The following DCC variants were observed in gnomAD, a reference collection of about 807,000 sequenced individuals.
DCC encodes netrin receptor DCC.
A neutral mutation model predicts 172.5 loss-of-function variants in DCC; 58 were observed. That is an observed-to-expected ratio of 0.34 (90% CI 0.27 to 0.42). The LOEUF is 0.42. Among genes scored for constraint, DCC ranks in the 10% least tolerant of loss-of-function variants. The probability of loss-of-function intolerance (pLI) is 1.00; values close to 1 mark genes in which losing one functional copy is unlikely to be tolerated. For missense variants in DCC, 1,740 were observed against 1,791.0 expected (o/e 0.97, Z 0.51); for synonymous variants, 709 against 644.5 (o/e 1.10, Z -1.52).
intron 1 of DCC, among the ~76,000 whole-genome samples, chr18:52,655,153 A>C (rs1168532071): frequency 6.6e-6 from 1 of 152,076 alleles, no homozygotes; most frequent in Non-Finnish European, 1.5e-5. Flanking sequence ...AGAAGAGGGG[A>C]ACAACATAGA....
intron 13 of DCC, among the ~76,000 whole-genome samples, chr18:53,307,260 T>C (rs1357120074): frequency 1.3e-5 from 2 of 152,218 alleles, no homozygotes; most frequent in African/African-American, 4.8e-5. Flanking sequence ...ACATTTACCA[T>C]ATCATTTTAA....
chr18:53,102,947 C>T (rs551498589), intron 7 of DCC, among the ~76,000 whole-genome samples: 1 of 152,154 alleles, frequency 6.6e-6, no homozygotes, highest in South Asian at 2.1e-4. Context: ...ATCCTTGCCA[C>T]TTAAGGAGAA....
rs1456820667 is a variant in DCC, at chr18:52,844,325, C to CAGAG, written c.413-61716_413-61715insGAGA. ...ATAGGTAGATACATAGATAGGCAGA[C>CAGAG]AGACAGACAGACAGATAGATAGATA... On this transcript the variant is annotated intron_variant, in intron 2 of 28. Coordinates refer to ENST00000442544, the MANE Select transcript of DCC (RefSeq NM_005215.4). Among the ~76,000 whole-genome samples, 3 of 151,722 alleles carry CAGAG rather than the reference C, an allele frequency of 2.0e-5. No individual in the cohort carries two copies. The East Asian group carries it at 5.8e-4, about 29-fold the overall frequency.
At chr18:53,138,415 T>A (rs1272056124) in intron 7 of DCC, among the ~76,000 whole-genome samples, 1 of 152,208 alleles carries the variant, frequency 6.6e-6, no homozygotes. Context: ...ATTCATAAAG[T>A]CAAAAACATA....
At chr18:53,033,985 A>G (rs2042059265) in intron 5 of DCC, among the ~76,000 whole-genome samples, 1 of 151,764 alleles carries the variant, frequency 6.6e-6, no homozygotes, top group African/African-American at 2.4e-5. Flanking sequence ...GGGACACCTC[A>G]CTGGCCACTC....
intron 1 of DCC, among the ~76,000 whole-genome samples, chr18:52,436,016 G>A (rs558966644): frequency 2.0e-4 from 31 of 152,282 alleles, no homozygotes; most frequent in Middle Eastern, 3.4e-3. Flanking sequence ...CATTCAGCCC[G>A]GAGTTCTCCG....
intron 25 of DCC, among the ~76,000 whole-genome samples, chr18:53,471,168 ATT>A (rs1332261978): frequency 6.6e-6 from 1 of 152,110 alleles, no homozygotes; most frequent in East Asian, 1.9e-4. Context: ...AACTATTCGT[ATT>A]TTTTGTGGGT....
intron 1 of DCC, among the ~76,000 whole-genome samples, chr18:52,373,841 A>G (rs531788177): frequency 5.3e-5 from 8 of 152,190 alleles, no homozygotes; most frequent in African/African-American, 1.9e-4. Context: ...GGCTTTTGCA[A>G]TAAGAAAACA....
At chr18:53,503,555 T>C (rs1234254626) in intron 27 of DCC, among the ~76,000 whole-genome samples, 1 of 152,210 alleles carries the variant, frequency 6.6e-6, no homozygotes, top group Non-Finnish European at 1.5e-5. Context: ...TAGAAAATGT[T>C]TGATAGAGTA....
At chr18:52,505,031 A>G (rs911848882) in intron 1 of DCC, among the ~76,000 whole-genome samples, 5 of 152,208 alleles carry the variant, frequency 3.3e-5, no homozygotes, top group Non-Finnish European at 2.9e-5. Context: ...CTTTCTAAAG[A>G]CACAGCTGAA....
intron 7 of DCC, among the ~76,000 whole-genome samples, chr18:53,072,472 G>C (rs969233934): frequency 4.6e-5 from 7 of 152,162 alleles, no homozygotes; most frequent in African/African-American, 1.7e-4. Context: ...TCCGTTTTCT[G>C]ACAGTGTCTG....
At chr18:52,733,499 T>C (rs577801023) in intron 1 of DCC, among the ~76,000 whole-genome samples, 1 of 152,134 alleles carries the variant, frequency 6.6e-6, no homozygotes, top group South Asian at 2.1e-4. Context: ...ACCGCCTTTT[T>C]TTGTTTTTTG....
intron 2 of DCC, among the ~76,000 whole-genome samples, chr18:52,760,984 A>G (rs1599082850): frequency 6.6e-6 from 1 of 151,810 alleles, no homozygotes; most frequent in Non-Finnish European, 1.5e-5. Context: ...CAGTCTTTAT[A>G]TTTATAATCT....
intron 1 of DCC, among the ~76,000 whole-genome samples, chr18:52,582,635 C>T (rs1258933236): frequency 6.6e-6 from 1 of 152,146 alleles, no homozygotes; most frequent in African/African-American, 2.4e-5. Context: ...TATTCTCCAT[C>T]ACTTTGTGGG....
At chr18:53,080,359 TG>T (rs1358593554) in intron 7 of DCC, among the ~76,000 whole-genome samples, 1 of 152,134 alleles carries the variant, frequency 6.6e-6, no homozygotes, top group Non-Finnish European at 1.5e-5. Context: ...GCCCATGTCT[TG>T]ATCATCTTTG....
intron 12 of DCC, among the ~76,000 whole-genome samples, chr18:53,254,386 G>T (rs2056478521): frequency 6.6e-6 from 1 of 151,914 alleles, no homozygotes; most frequent in Admixed American, 6.6e-5. Context: ...ATTTGTACTG[G>T]ACTTCTTTAG....
intron 1 of DCC, among the ~76,000 whole-genome samples, chr18:52,418,396 T>C (rs538924564): frequency 1.3e-5 from 2 of 152,276 alleles, no homozygotes. Context: ...ATCATTATAC[T>C]AGTGCAAGCA....
chr18:53,121,180 C>T (rs781531973), intron 7 of DCC, among the ~76,000 whole-genome samples: 44 of 151,744 alleles, frequency 2.9e-4, no homozygotes, highest in Middle Eastern at 3.4e-3. Context: ...AGAAAAGAGC[C>T]GGAGAGCCAG....
intron 15 of DCC, among the ~76,000 whole-genome samples, chr18:53,366,781 G>A (rs1453140088): frequency 6.6e-6 from 1 of 152,144 alleles, no homozygotes; most frequent in Non-Finnish European, 1.5e-5. Flanking sequence ...CTGAGTTCTG[G>A]CCAGTGAAGG....
Sources: allele counts gnomAD v4.1 joint callset (sites outside exome capture counted in the v4.1 genomes callset), GRCh38; gene constraint gnomAD v4.1.1; transcripts MANE v1.5; gene names NCBI Gene and HGNC (gene_info 2026-07-23, HGNC 2026-07-21).